PADI2: variants seen among roughly 807,000 people sequenced by gnomAD.
PADI2 encodes the protein protein-arginine deiminase type-2.
PADI2 carries 70 observed loss-of-function variants against 81.1 expected under a neutral mutation model. The observed-to-expected ratio is 0.86, with a 90% CI of 0.71 to 1.05. The LOEUF (loss-of-function observed/expected upper bound fraction) is 1.05. PADI2 is among the 50% of genes least tolerant of loss of function. The pLI, the probability that PADI2 is intolerant of heterozygous loss-of-function variation, is 0.00. For synonymous variants in PADI2, 338 were observed against 358.0 expected, an observed-to-expected ratio of 0.94 and a Z score of 0.63; for missense variants, 853 against 889.9, an observed-to-expected ratio of 0.96 and a Z score of 0.53.
Position 17,070,127 on chromosome 1 carries a change from C to T in PADI2, c.1725G>A (p.Met575Ile). 6.2e-6 allele frequency: 10 copies of T among 1,614,036 alleles called. No homozygotes were observed. Among genetic ancestry groups the T allele is most frequent in the Non-Finnish European group, 8.5e-6 (10 of 1,179,970 alleles). Residue 575 changes from methionine (M) to isoleucine (I), a missense_variant, in exon 15 of 16, where the codon ATG (methionine) becomes ATA (isoleucine). Transcript: ENST00000375486. ...AGGCTCTGGCACGGTGGTCCTCGTC[C>T]ATCTTGAACAGAGCGGGCAGGTCAA... is the stretch of plus-strand genomic sequence containing the variant. Reference protein sequence around the residue: ...DIIDLPALFKMDEDHRARAFF... With the variant: ...DIIDLPALFKIDEDHRARAFF...
intron 1 of PADI2, among the ~76,000 whole-genome samples, chr1:17,111,904 AGT>A (rs1398040274): frequency 3.3e-5 from 5 of 151,880 alleles, no homozygotes; most frequent in Non-Finnish European, 7.4e-5. Flanking sequence ...GAAAGAGGGG[AGT>A]GTGTCTGGAG....
Position 17,103,005 on chromosome 1 carries a change from G to GC in PADI2, c.330dup (p.Leu111AlafsTer7), listed in dbSNP as rs1557770473. On this transcript the variant is annotated frameshift_variant, in exon 3 of 16. Coordinates refer to ENST00000375486, the MANE Select transcript of PADI2 (RefSeq NM_007365.3). LOFTEE classifies it high-confidence loss of function. ...AACTCACCAATGGCTGTGAGGAAGA[G>GC]CCCCGCCTGGTCGATGGGAATGCTC... 2.5e-6 allele frequency: 4 copies of GC among 1,610,176 alleles called. No homozygotes were observed. Among genetic ancestry groups the GC allele is most frequent in the Middle Eastern group, 1.7e-4 (1 of 5,878 alleles).
chr1:17,075,448 A>G (rs1473406150), intron 12 of PADI2: 1 of 468,180 alleles, frequency 2.1e-6, no homozygotes, highest in Non-Finnish European at 3.8e-6. Context: ...AAAGAATTTA[A>G]ATCTCTCGTT....
rs564422540 is a variant in PADI2 at position 17,087,608 on chromosome 1, C to T, written c.656-909G>A. Among the ~76,000 whole-genome samples, 9 of 152,268 alleles carry T rather than the reference C, an allele frequency of 5.9e-5. No homozygotes were observed. The South Asian group carries it at 1.9e-3, about 32-fold the overall frequency. Reference sequence around the variant, plus strand: ...CTCTGCCTCCTGGGTTCAAGCGATTCTCCTGCCTCAGCCTCCCAAGTAGCT... The same window carrying T: ...CTCTGCCTCCTGGGTTCAAGCGATTTTCCTGCCTCAGCCTCCCAAGTAGCT... On this transcript the variant is annotated intron_variant, in intron 6 of 15. Transcript: ENST00000375486.
intron 6 of PADI2, 81 bp from the exon 7 acceptor site, chr1:17,086,780 A>G (rs889899155): frequency 1.7e-6 from 2 of 1,190,026 alleles, no homozygotes; most frequent in African/African-American, 1.5e-5. Context: ...TGGGGACAAA[A>G]GGGCAAAGTA....
At chr1:17,099,333 C>T (rs955570364) in intron 3 of PADI2, among the ~76,000 whole-genome samples, 1 of 152,098 alleles carries the variant, frequency 6.6e-6, no homozygotes, top group South Asian at 2.1e-4. Context: ...TTCTGGGGCC[C>T]GCATATGTGT....
At chr1:17,111,526 G>C (rs1446481101) in intron 1 of PADI2, among the ~76,000 whole-genome samples, 1 of 152,028 alleles carries the variant, frequency 6.6e-6, no homozygotes, top group African/African-American at 2.4e-5. Context: ...TTGAACTAAG[G>C]TTTAAACTTT....
At chr1:17,108,533 C>A (rs542784137) in intron 1 of PADI2, among the ~76,000 whole-genome samples, 1 of 152,018 alleles carries the variant, frequency 6.6e-6, no homozygotes, top group Non-Finnish European at 1.5e-5. Context: ...CATGGTCCGG[C>A]CTCTCCCATC....
intron 3 of PADI2, among the ~76,000 whole-genome samples, chr1:17,099,043 C>T (rs1251601356): frequency 6.6e-6 from 1 of 152,240 alleles, no homozygotes; most frequent in African/African-American, 2.4e-5. Flanking sequence ...CGTCAGGTGG[C>T]TCCTGGGTGT....
chr1:17,099,166 G>A (rs1481703396), intron 3 of PADI2, among the ~76,000 whole-genome samples: 1 of 152,210 alleles, frequency 6.6e-6, no homozygotes, highest in Non-Finnish European at 1.5e-5. Context: ...TTGGAGGGTC[G>A]CCAGAGAGTG....
intron 6 of PADI2, 83 bp from the exon 7 acceptor site, chr1:17,086,782 G>C (rs1319177509): frequency 8.4e-7 from 1 of 1,188,120 alleles, no homozygotes; most frequent in Non-Finnish European, 1.2e-6. Flanking sequence ...GGGACAAAAG[G>C]GCAAAGTAAC....
chr1:17,087,651 C>T (rs1930521322), intron 6 of PADI2, among the ~76,000 whole-genome samples: 1 of 152,138 alleles, frequency 6.6e-6, no homozygotes, highest in South Asian at 2.1e-4. Flanking sequence ...CAGGCGCCCA[C>T]CACCACATAT....
At chr1:17,072,240 A>T (rs2078269060) in intron 13 of PADI2, among the ~76,000 whole-genome samples, 1 of 152,206 alleles carries the variant, frequency 6.6e-6, no homozygotes, top group Admixed American at 6.5e-5. Context: ...TTTTGGCCTC[A>T]TCTGGGAAGA....
chr1:17,074,897 T>A lies in PADI2; in HGVS notation c.1508A>T (p.Glu503Val), dbSNP rs756835685. The A allele has an allele frequency of 8.1e-6, 13 of 1,613,268 alleles. No homozygotes were observed. Among genetic ancestry groups the A allele is most frequent in the Non-Finnish European group, 1.1e-5 (13 of 1,179,738 alleles). ...STSACYKLFR[E>V]KQKDGHGEAI... Reference sequence around the variant, plus strand: ...CTCTCCATGGCCGTCCTTCTGCTTCTCTCGGAAGAGCTTGTAGCAGGCCGA... The same window carrying A: ...CTCTCCATGGCCGTCCTTCTGCTTCACTCGGAAGAGCTTGTAGCAGGCCGA... The change falls in exon 13 of 16, where the codon GAG becomes GTG. Residue 503 changes from glutamate to valine, a missense_variant. By Grantham distance (121) the Glu-to-Val change is moderately radical (BLOSUM62 -2). Coordinates refer to ENST00000375486, the MANE Select transcript of PADI2 (RefSeq NM_007365.3).
intron 3 of PADI2, among the ~76,000 whole-genome samples, chr1:17,101,213 A>G (rs1931129999): frequency 1.3e-5 from 2 of 152,160 alleles, no homozygotes; most frequent in African/African-American, 4.8e-5. Flanking sequence ...GCTTCCTCTA[A>G]GCACAGCTTT....
Position 17,069,208 on chromosome 1 carries a change from ATTCC to A in PADI2, c.1830_1833del (p.Glu610AspfsTer68), listed in dbSNP as rs1404575253. ...CCACGCACGTGCATCTCCAGGCAGC[ATTCC>A]TCCTCAACCTGTGGCCCGAATGGCT... On this transcript the variant is annotated frameshift_variant, in exon 16 of 16. Transcript: ENST00000375486. LOFTEE classifies it high-confidence loss of function. The A allele has an allele frequency of 1.6e-5, 26 of 1,614,236 alleles. No homozygotes were observed. The highest frequency in any genetic ancestry group is 2.2e-5 in the Non-Finnish European group (26 of 1,180,046).
At chr1:17,112,353 C>G (rs1931612294) in intron 1 of PADI2, among the ~76,000 whole-genome samples, 1 of 152,110 alleles carries the variant, frequency 6.6e-6, no homozygotes, top group East Asian at 1.9e-4. Context: ...GGTGGCTCAC[C>G]AGCCCCAGAC....
rs188554540 is a variant in PADI2, at chr1:17,076,679, C to A, written c.1311-856G>T. On this transcript the variant is annotated intron_variant, in intron 11 of 15. Coordinates refer to ENST00000375486, the MANE Select transcript of PADI2 (RefSeq NM_007365.3). ...GCAATATCTCCCTCCCTGGTTCAAGCGATCCTCCTTCCTCAGCCTCCCAAG... is the reference window on the plus strand; with the variant it reads ...GCAATATCTCCCTCCCTGGTTCAAGAGATCCTCCTTCCTCAGCCTCCCAAG... 2.6e-4 allele frequency among the ~76,000 whole-genome samples: 40 copies of A among 152,142 alleles called. No individual in the cohort carries two copies. In the East Asian group the frequency reaches 7.5e-3, roughly 29 times the overall value.
At chr1:17,097,110 T>C (rs980259995) in intron 3 of PADI2, among the ~76,000 whole-genome samples, 8 of 152,170 alleles carry the variant, frequency 5.3e-5, no homozygotes, top group African/African-American at 1.9e-4. Context: ...ACACATGACA[T>C]GTGCCCGTTC....
Sources: gnomAD v4.1 joint callset for allele counts (sites outside exome capture counted in the v4.1 genomes callset) on GRCh38, gnomAD v4.1.1 for gene constraint, MANE v1.5 for transcripts, NCBI Gene and HGNC (gene_info 2026-07-23, HGNC 2026-07-21) for gene names.